The following CHD6 variants were observed in gnomAD, a reference collection of about 807,000 sequenced individuals.
CHD6 encodes the protein ATP-dependent chromatin remodeler CHD6.
A neutral mutation model predicts 276.9 loss-of-function variants in CHD6; 50 were observed. The observed-to-expected ratio is 0.18, with a 90% CI of 0.14 to 0.23. The LOEUF (loss-of-function observed/expected upper bound fraction) is 0.23, where lower values mean the gene tolerates loss of function less well. CHD6 is among the 10% of genes least tolerant of loss of function. CHD6 has a pLI of 1.00. For missense variants in CHD6, 2,564 were observed against 3,365.8 expected, an observed-to-expected ratio of 0.76 and a Z score of 5.89; for synonymous variants, 1,173 against 1,229.3, an observed-to-expected ratio of 0.95 and a Z score of 0.96.
intron 1 of CHD6, among the ~76,000 whole-genome samples, chr20:41,583,111 A>G (rs535149518): frequency 3.3e-5 from 5 of 152,296 alleles, no homozygotes; most frequent in African/African-American, 1.2e-4. Flanking sequence ...GAATTCTCCA[A>G]AAATAAAGTC....
chr20:41,436,394 G>C (rs2047710602), intron 27 of CHD6, among the ~76,000 whole-genome samples: 1 of 152,140 alleles, frequency 6.6e-6, no homozygotes, highest in Non-Finnish European at 1.5e-5. Context: ...AGAGAAAGCG[G>C]ATCTCTCATG....
At chr20:41,482,531 GA>G (rs779586220) in intron 16 of CHD6, 1 of 513,410 alleles carries the variant, frequency 1.9e-6, no homozygotes, top group East Asian at 5.5e-5. Flanking sequence ...GATTTGCTAT[GA>G]AAACAAGATT....
At chr20:41,418,238 A>G (rs183286915) in intron 31 of CHD6, among the ~76,000 whole-genome samples, 1 of 152,378 alleles carries the variant, frequency 6.6e-6, no homozygotes, top group African/African-American at 2.4e-5. Flanking sequence ...GCCAGGAAAG[A>G]GGTGACAATA....
chr20:41,530,030 G>A (rs931848907), intron 3 of CHD6, among the ~76,000 whole-genome samples: 2 of 152,190 alleles, frequency 1.3e-5, no homozygotes, highest in African/African-American at 4.8e-5. Context: ...TAGCAAGACT[G>A]GAAGAAGGAA....
intron 3 of CHD6, among the ~76,000 whole-genome samples, chr20:41,526,909 A>G (rs1160120863): frequency 6.6e-6 from 1 of 152,186 alleles, no homozygotes; most frequent in Non-Finnish European, 1.5e-5. Context: ...AGACCTAATC[A>G]TTCTCTCTGG....
chr20:41,501,541 A>G (rs1366747774), intron 5 of CHD6, among the ~76,000 whole-genome samples: 2 of 152,190 alleles, frequency 1.3e-5, no homozygotes, highest in South Asian at 2.1e-4. Flanking sequence ...TTTGTAATAT[A>G]AACTATCCAC....
At chr20:41,490,452 T>A (rs1181267522) in intron 11 of CHD6, among the ~76,000 whole-genome samples, 1 of 152,198 alleles carries the variant, frequency 6.6e-6, no homozygotes, top group Non-Finnish European at 1.5e-5. Flanking sequence ...ATAGTAAGTA[T>A]TTGTGTATCT....
At chr20:41,571,679 C>A (rs2045419160) in intron 1 of CHD6, among the ~76,000 whole-genome samples, 1 of 150,798 alleles carries the variant, frequency 6.6e-6, no homozygotes, top group Non-Finnish European at 1.5e-5. Context: ...AGTTAGACAA[C>A]CTTCATATGG....
intron 3 of CHD6, among the ~76,000 whole-genome samples, chr20:41,515,477 C>T (rs552157499): frequency 1.8e-4 from 27 of 152,192 alleles, no homozygotes; most frequent in Non-Finnish European, 2.9e-4. Flanking sequence ...CAAGGCAGTA[C>T]ATGAATGCTT....
intron 23 of CHD6, among the ~76,000 whole-genome samples, chr20:41,449,123 G>T (rs1331084485): frequency 1.3e-5 from 2 of 152,116 alleles, no homozygotes; most frequent in African/African-American, 4.8e-5. Context: ...GGCTGGTCTT[G>T]AACTCCTGAT....
intron 1 of CHD6, among the ~76,000 whole-genome samples, chr20:41,579,351 G>A (rs915714289): frequency 1.4e-5 from 2 of 146,602 alleles, no homozygotes; most frequent in African/African-American, 2.6e-5. Flanking sequence ...GGCAGGAGAG[G>A]TGCTTGAGCC....
intron 16 of CHD6, among the ~76,000 whole-genome samples, chr20:41,475,954 T>C (rs2043158694): frequency 6.6e-6 from 1 of 152,180 alleles, no homozygotes; most frequent in South Asian, 2.1e-4. Context: ...GGAATAATTC[T>C]CTATCACTTG....
At chr20:41,416,164 T>A (rs528676494) in intron 33 of CHD6, among the ~76,000 whole-genome samples, 24 of 152,196 alleles carry the variant, frequency 1.6e-4, no homozygotes, top group Non-Finnish European at 2.6e-4. Flanking sequence ...CAGCTTCCAT[T>A]GTTAGAGCTC....
At chr20:41,450,226 A>G (rs1192346097) in intron 23 of CHD6, among the ~76,000 whole-genome samples, 3 of 152,230 alleles carry the variant, frequency 2.0e-5, no homozygotes, top group East Asian at 3.8e-4. Context: ...CCTATAAAGT[A>G]ATAAACTCTT....
At chr20:41,408,574 T>C (rs926260561) in intron 36 of CHD6, among the ~76,000 whole-genome samples, 1 of 152,170 alleles carries the variant, frequency 6.6e-6, no homozygotes, top group Non-Finnish European at 1.5e-5. Flanking sequence ...CTCAGTCCCT[T>C]GCTGGCATGG....
At chr20:41,437,379 C>G in intron 26 of CHD6, 45 bp from the exon 27 acceptor site, 1 of 1,406,790 alleles carries the variant, frequency 7.1e-7, no homozygotes. Flanking sequence ...CTAGGTCCCC[C>G]TTATCCACAG....
At position 41,508,970 on chromosome 20, in the gene CHD6, A is replaced by G. The variant is rs375665600; in HGVS notation, c.852+3876T>C. ...ATTCACTCACTGAATAAGTTATTTG[A>G]TAAGTTCAACTAATTAGGTCTTTAT... On this transcript the variant is annotated intron_variant, in intron 5 of 36. Transcript: ENST00000373233. 3.9e-5 allele frequency among the ~76,000 whole-genome samples: 6 copies of G among 152,196 alleles called. No homozygotes were observed. The East Asian group carries it at 1.2e-3, about 29-fold the overall frequency.
chr20:41,491,345 G>T (rs1362175776), intron 11 of CHD6, among the ~76,000 whole-genome samples: 7 of 145,550 alleles, frequency 4.8e-5, no homozygotes, highest in African/African-American at 7.5e-5. Flanking sequence ...TATATTTTTT[G>T]GTTTTGTTTT....
At chr20:41,478,372 A>G (rs960357318) in intron 16 of CHD6, among the ~76,000 whole-genome samples, 1 of 152,156 alleles carries the variant, frequency 6.6e-6, no homozygotes, top group East Asian at 1.9e-4. Context: ...AAATGAATGA[A>G]CAGAAAAACC....
Sources: gnomAD v4.1 joint callset for allele counts (sites outside exome capture counted in the v4.1 genomes callset) on GRCh38, gnomAD v4.1.1 for gene constraint, MANE v1.5 for transcripts, NCBI Gene and HGNC (gene_info 2026-07-23, HGNC 2026-07-21) for gene names.